Variants in EPHA6 observed in about 807,000 individuals in gnomAD.
EPHA6 encodes the protein EPH receptor A6.
EPHA6 carries 50 observed loss-of-function variants against 112.0 expected under a neutral mutation model. That is an observed-to-expected ratio of 0.45 (90% confidence interval 0.36 to 0.56). The LOEUF is 0.56. EPHA6 is among the 20% of genes least tolerant of loss of function. The probability of loss-of-function intolerance (pLI) is 0.00; values close to 1 mark genes in which losing one functional copy is unlikely to be tolerated. For synonymous variants in EPHA6, 529 were observed against 490.7 expected (o/e 1.08, Z -1.03); for missense variants, 1,280 against 1,417.4 (o/e 0.90, Z 1.56).
intron 2 of EPHA6, among the ~76,000 whole-genome samples, chr3:96,881,560 G>A (rs1388560141): frequency 1.3e-5 from 2 of 152,142 alleles, no homozygotes; most frequent in African/African-American, 4.8e-5. Flanking sequence ...AGTGAGATTT[G>A]GGTTGGGACA....
At chr3:97,253,476 A>G (rs913312100) in intron 5 of EPHA6, among the ~76,000 whole-genome samples, 5 of 152,182 alleles carry the variant, frequency 3.3e-5, no homozygotes, top group African/African-American at 1.2e-4. Context: ...ATACTTAGTC[A>G]CTTTCAACAT....
chr3:96,928,948 T>A (rs2107650123), intron 2 of EPHA6, among the ~76,000 whole-genome samples: 1 of 152,354 alleles, frequency 6.6e-6, no homozygotes, highest in South Asian at 2.1e-4. Flanking sequence ...CCCCTGCTTT[T>A]TTCTGTTTTC....
chr3:97,381,989 CAT>C (rs1278149464), intron 5 of EPHA6, among the ~76,000 whole-genome samples: 1 of 151,988 alleles, frequency 6.6e-6, no homozygotes, highest in East Asian at 1.9e-4. Flanking sequence ...TGTAGTCTCT[CAT>C]GTTTGTATTA....
rs567325608 is a variant in EPHA6, at chr3:97,652,715, C to T, written c.2784+14633C>T. Among the ~76,000 whole-genome samples, 8 of 152,058 alleles carry T rather than the reference C, an allele frequency of 5.3e-5. 1 individual carries two copies. In the South Asian group the frequency reaches 1.5e-3, roughly 28 times the overall value. Reference sequence around the variant, plus strand: ...GAGGCAGCAAGCCTAAGGAGTTAAACCCAATGCTGAGTATGGCCAAGTAGG... The same window carrying T: ...GAGGCAGCAAGCCTAAGGAGTTAAATCCAATGCTGAGTATGGCCAAGTAGG... On this transcript the variant is annotated intron_variant, in intron 14 of 17. Transcript: ENST00000389672.
At chr3:96,964,009 A>G (rs2042036537) in intron 2 of EPHA6, among the ~76,000 whole-genome samples, 1 of 152,066 alleles carries the variant, frequency 6.6e-6, no homozygotes, top group Non-Finnish European at 1.5e-5. Context: ...TTAAAATTAA[A>G]AATAATATAT....
chr3:96,928,857 CTT>C (rs890738921), intron 2 of EPHA6, among the ~76,000 whole-genome samples: 7 of 152,312 alleles, frequency 4.6e-5, no homozygotes, highest in Admixed American at 4.6e-4. Context: ...GGATTGAACT[CTT>C]TACCATTATG....
chr3:97,700,692 A>G (rs1274704118), intron 14 of EPHA6, among the ~76,000 whole-genome samples: 2 of 152,174 alleles, frequency 1.3e-5, no homozygotes, highest in African/African-American at 4.8e-5. Context: ...AAAGAAATAC[A>G]CCACACACAC....
intron 1 of EPHA6, among the ~76,000 whole-genome samples, chr3:96,831,541 T>C (rs2034080969): frequency 6.6e-6 from 1 of 152,020 alleles, no homozygotes; most frequent in African/African-American, 2.4e-5. Context: ...CAATTGACAC[T>C]TTTATTAAGA....
intron 11 of EPHA6, among the ~76,000 whole-genome samples, chr3:97,556,408 G>A (rs557018329): frequency 3.3e-5 from 5 of 151,996 alleles, no homozygotes; most frequent in Non-Finnish European, 4.4e-5. Flanking sequence ...CAGCATGGCT[G>A]GGGGGTCCTC....
intron 14 of EPHA6, among the ~76,000 whole-genome samples, chr3:97,667,088 G>A (rs1015373621): frequency 1.3e-5 from 2 of 152,068 alleles, no homozygotes; most frequent in Non-Finnish European, 2.9e-5. Context: ...TCCCTAATGG[G>A]TTCTTTTGAC....
chr3:96,851,871 G>T lies in EPHA6; in HGVS notation c.386-14954G>T, dbSNP rs1306543733. 2.0e-5 allele frequency among the ~76,000 whole-genome samples: 3 copies of T among 152,286 alleles called. No homozygotes were observed. The East Asian group carries it at 5.8e-4, about 29-fold the overall frequency. ...CTTGCAGGATGAAAACCAAGATCTT[G>T]CAGGGACGCAGAAGCGTCATGTTGG... On this transcript the variant is annotated intron_variant, in intron 1 of 17. Transcript: ENST00000389672.
chr3:97,727,091 G>T (rs1181136493), intron 15 of EPHA6, among the ~76,000 whole-genome samples: 1 of 152,060 alleles, frequency 6.6e-6, no homozygotes, highest in Non-Finnish European at 1.5e-5. Flanking sequence ...GCATATGCTA[G>T]CTAGCTAACT....
chr3:96,884,750 C>T (rs1348009821), intron 2 of EPHA6, among the ~76,000 whole-genome samples: 1 of 152,112 alleles, frequency 6.6e-6, no homozygotes, highest in East Asian at 1.9e-4. Flanking sequence ...GCTAGGAGTT[C>T]CAGTACTATG....
At chr3:96,982,868 G>T (rs1280026764) in intron 2 of EPHA6, among the ~76,000 whole-genome samples, 1 of 152,080 alleles carries the variant, frequency 6.6e-6, no homozygotes, top group Non-Finnish European at 1.5e-5. Flanking sequence ...CAGAGACTAG[G>T]ATTGCAACCC....
intron 1 of EPHA6, among the ~76,000 whole-genome samples, chr3:96,856,509 A>G (rs1429491761): frequency 6.6e-6 from 1 of 152,172 alleles, no homozygotes; most frequent in Non-Finnish European, 1.5e-5. Context: ...GGCCTTCTAA[A>G]ATTTAGCCAA....
Position 97,323,768 on chromosome 3 carries a change from G to A in EPHA6, c.1606+79481G>A, listed in dbSNP as rs192872375. Among the ~76,000 whole-genome samples the A allele has an allele frequency of 6.8e-4, 104 of 151,902 alleles. 5 individuals are homozygous for A. The East Asian group carries it at 9.9e-3, about 14-fold the overall frequency. On this transcript the variant is annotated intron_variant, in intron 5 of 17. Transcript: ENST00000389672. Reference sequence around the variant, plus strand: ...AAAATAAAATCTTCCCCACAATAGCGCCACAGGGAGAAAGAAACACAGTTT... The same window carrying A: ...AAAATAAAATCTTCCCCACAATAGCACCACAGGGAGAAAGAAACACAGTTT...
chr3:97,668,806 G>A (rs1043338749), intron 14 of EPHA6, among the ~76,000 whole-genome samples: 18 of 150,404 alleles, frequency 1.2e-4, no homozygotes, highest in East Asian at 9.8e-4. Flanking sequence ...CCCAGCTCTC[G>A]GGAGGCTGAG....
chr3:97,701,634 A>G (rs2107737590), intron 14 of EPHA6, among the ~76,000 whole-genome samples: 1 of 150,296 alleles, frequency 6.7e-6, no homozygotes, highest in Non-Finnish European at 1.5e-5. Context: ...ATATATATAT[A>G]ATATCATTTC....
chr3:97,013,976 C>T (rs1462727832), intron 3 of EPHA6, among the ~76,000 whole-genome samples: 2 of 152,078 alleles, frequency 1.3e-5, no homozygotes, highest in African/African-American at 4.8e-5. Context: ...CCCTCTCCAC[C>T]ACCCAATCTG....
Sources: gnomAD v4.1 joint callset for allele counts (sites outside exome capture counted in the v4.1 genomes callset) on GRCh38, gnomAD v4.1.1 for gene constraint, MANE v1.5 for transcripts, NCBI Gene and HGNC (gene_info 2026-07-23, HGNC 2026-07-21) for gene names.